The following ABCC9 variants were observed in gnomAD, a reference collection of about 807,000 sequenced individuals.
ABCC9 encodes ATP-binding cassette sub-family C member 9.
In ABCC9, 95 loss-of-function variants were observed where a neutral mutation model predicts 188.3. The observed-to-expected ratio is 0.50, with a 90% confidence interval of 0.43 to 0.60. The LOEUF (loss-of-function observed/expected upper bound fraction) is 0.60. Among genes scored for constraint, ABCC9 ranks in the 20% least tolerant of loss-of-function variants. The pLI, the probability that ABCC9 is intolerant of heterozygous loss-of-function variation, is 0.00. For synonymous variants in ABCC9, 659 were observed against 652.7 expected, an observed-to-expected ratio of 1.01 and a Z score of -0.15; for missense variants, 1,102 against 1,876.3, an observed-to-expected ratio of 0.59 and a Z score of 7.62.
intron 10 of ABCC9, among the ~76,000 whole-genome samples, chr12:21,909,814 G>A (rs1412946145): frequency 6.6e-6 from 1 of 151,856 alleles, no homozygotes; most frequent in Non-Finnish European, 1.5e-5. Context: ...TATGCTAGAT[G>A]TTATAGACAT....
chr12:21,902,879 C>CCATCCTTCTGAAACTATTCCAAT (rs1480985341), intron 12 of ABCC9, among the ~76,000 whole-genome samples: 12 of 152,282 alleles, frequency 7.9e-5, no homozygotes, highest in African/African-American at 2.6e-4. Context: ...GGAGCTGGTA[C>CCATCCTTCTGAAACTATTCCAAT]CATCCTTCTG....
At chr12:21,875,106 A>C (rs1379520495) in intron 17 of ABCC9, among the ~76,000 whole-genome samples, 2 of 152,164 alleles carry the variant, frequency 1.3e-5, no homozygotes, top group Non-Finnish European at 2.9e-5. Flanking sequence ...AACACAAGGA[A>C]ATTTTTGGTA....
chr12:21,853,399 A>T (rs1365874298), intron 22 of ABCC9, among the ~76,000 whole-genome samples: 2 of 152,148 alleles, frequency 1.3e-5, no homozygotes, highest in South Asian at 4.1e-4. Context: ...TTTCAGAATT[A>T]AATGAGTTAA....
chr12:21,882,635 A>G, intron 16 of ABCC9, 131 bp downstream of exon 16: 1 of 765,370 alleles, frequency 1.3e-6, no homozygotes, highest in Non-Finnish European at 2.1e-6. Context: ...TTTTTTTTAA[A>G]TGTTATTAGG....
Position 21,913,013 on chromosome 12 carries a change from G to A in ABCC9, c.870C>T (p.Tyr290=). ...NRTPSIWLAM[Y]RAFGRPILLS... Reference sequence around the variant, plus strand: ...GTAGAATTGGTCGCCCAAAAGCTCTGTACATTGCAAGCCATATAGATGGAG... The same window carrying A: ...GTAGAATTGGTCGCCCAAAAGCTCTATACATTGCAAGCCATATAGATGGAG... Residue 290 remains tyrosine (Y), a synonymous_variant, in exon 8 of 40, where the codon TAC becomes TAT. Transcript: ENST00000261200. The A allele has an allele frequency of 6.2e-7, 1 of 1,611,228 alleles. No individual in the cohort carries two copies. Among genetic ancestry groups the A allele is most frequent in the Non-Finnish European group, 8.5e-7 (1 of 1,179,182 alleles).
intron 4 of ABCC9, 119 bp downstream of exon 4, chr12:21,933,663 G>C: frequency 8.6e-7 from 1 of 1,161,316 alleles, no homozygotes; most frequent in Middle Eastern, 2.1e-4. Flanking sequence ...GAGCTACATG[G>C]ATCAGAGAGC....
At position 21,799,220 on chromosome 12, in the gene ABCC9, A is replaced by C. The variant is rs2137072931; in HGVS notation, c.*1824T>G. The C allele has an allele frequency of 6.6e-6, 1 of 151,194 alleles. No individual in the cohort carries two copies. The highest frequency in any genetic ancestry group is 1.9e-4 in the East Asian group (1 of 5,142). The allele number at this position is 151,194 out of a possible 1,614,324, so 9.4% of individuals were successfully genotyped here. A position where few individuals can be genotyped will look rare whatever the true frequency, so the allele number is the denominator to read the frequency against. On this transcript the variant is annotated 3_prime_UTR_variant, in exon 40 of 40. Transcript: ENST00000261200. ...TATGTAACTAACCTGCACAATGTGC[A>C]CATGTACCCTAAAACTTAAAGTATA...
intron 12 of ABCC9, among the ~76,000 whole-genome samples, chr12:21,903,551 C>T (rs1337319579): frequency 6.6e-6 from 1 of 152,200 alleles, no homozygotes; most frequent in East Asian, 1.9e-4. Flanking sequence ...AGCCCCAAAT[C>T]TCCTTCAGCT....
chr12:21,844,247 T>C (rs1332469376), intron 28 of ABCC9, among the ~76,000 whole-genome samples: 1 of 152,208 alleles, frequency 6.6e-6, no homozygotes, highest in Non-Finnish European at 1.5e-5. Flanking sequence ...CATTCTTTAC[T>C]TCATGATGGT....
chr12:21,889,315 A>G (rs1339249212), intron 14 of ABCC9, among the ~76,000 whole-genome samples: 1 of 151,236 alleles, frequency 6.6e-6, no homozygotes. Flanking sequence ...AGACTTGAAA[A>G]ACAGTGTTAT....
chr12:21,892,556 C>T (rs2137726956), intron 14 of ABCC9, among the ~76,000 whole-genome samples: 1 of 152,236 alleles, frequency 6.6e-6, no homozygotes, highest in African/African-American at 2.4e-5. Context: ...GTGATCCGGA[C>T]AAGTGTTTCA....
At chr12:21,925,278 C>T (rs926789933) in intron 5 of ABCC9, 3 of 487,612 alleles carry the variant, frequency 6.2e-6, no homozygotes, top group Non-Finnish European at 1.1e-5. Context: ...TAATTTTGAC[C>T]CAAGGCAAAA....
chr12:21,801,595 G>T (rs1941436940), intron 39 of ABCC9, among the ~76,000 whole-genome samples: 1 of 152,146 alleles, frequency 6.6e-6, no homozygotes, highest in Non-Finnish European at 1.5e-5. Flanking sequence ...ACAATTCGAA[G>T]AACCCTGGAA....
At position 21,797,813 on chromosome 12, in the gene ABCC9, G is replaced by A. The variant is rs962362114; in HGVS notation, c.*3231C>T. 2.6e-5 allele frequency: 4 copies of A among 152,046 alleles called. No individual in the cohort carries two copies. Among genetic ancestry groups the A allele is most frequent in the Admixed American group, 6.6e-5 (1 of 15,252 alleles). The allele number at this position is 152,046 out of a possible 1,614,324, so 9.4% of individuals were successfully genotyped here. On this transcript the variant is annotated 3_prime_UTR_variant, in exon 40 of 40. Transcript: ENST00000261200. ...CCTGTCAATGACATAAGTAACCCTG[G>A]TATTTTAATATAATGCTTTATGCAT...
intron 12 of ABCC9, among the ~76,000 whole-genome samples, chr12:21,899,484 A>T (rs879607864): frequency 6.6e-6 from 1 of 152,146 alleles, no homozygotes; most frequent in Non-Finnish European, 1.5e-5. Flanking sequence ...GGTGCAGCCC[A>T]CCGAGCATGA....
intron 15 of ABCC9, among the ~76,000 whole-genome samples, chr12:21,884,171 A>G (rs1946766217): frequency 6.6e-6 from 1 of 151,794 alleles, no homozygotes; most frequent in South Asian, 2.1e-4. Context: ...ACCGAGGTTC[A>G]AGTGATCCTC....
intron 30 of ABCC9, among the ~76,000 whole-genome samples, chr12:21,837,012 A>C (rs1944138203): frequency 6.6e-6 from 1 of 152,194 alleles, no homozygotes. Flanking sequence ...CTACAGCAAG[A>C]ATAGTACCTG....
In ABCC9 at chr12:21,906,106, T is replaced by G; in HGVS notation, c.1618+20A>C. ...TGGTTGCCCTTAAAGTCGCCTGTTCTTAGAGCAACAGCAACTTACTGGAGA... is the reference window on the plus strand; with the variant it reads ...TGGTTGCCCTTAAAGTCGCCTGTTCGTAGAGCAACAGCAACTTACTGGAGA... On this transcript the variant is annotated intron_variant, in intron 12 of 39. Transcript: ENST00000261200. The G allele has an allele frequency of 6.2e-7, 1 of 1,612,294 alleles. No individual in the cohort carries two copies.
chr12:21,798,575 A>G lies in ABCC9; in HGVS notation c.*2469T>C, dbSNP rs1383302059. ...ATTCTGGATATTAGCCCTTTGTCAGATGAGTAGGTTGCGAAAATTTTCTCC... is the reference window on the plus strand; with the variant it reads ...ATTCTGGATATTAGCCCTTTGTCAGGTGAGTAGGTTGCGAAAATTTTCTCC... On this transcript the variant is annotated 3_prime_UTR_variant, in exon 40 of 40. Transcript: ENST00000261200. 2 of 150,328 alleles carry G rather than the reference A, an allele frequency of 1.3e-5. No individual in the cohort carries two copies. The highest frequency in any genetic ancestry group is 3.0e-5 in the Non-Finnish European group (2 of 67,468). 9.3% of individuals were successfully genotyped at this position (150,328 alleles called of 1,614,324 possible). A position where few individuals can be genotyped will look rare whatever the true frequency, so the allele number is the denominator to read the frequency against.
Sources: allele counts gnomAD v4.1 joint callset (sites outside exome capture counted in the v4.1 genomes callset), GRCh38; gene constraint gnomAD v4.1.1; transcripts MANE v1.5; gene names NCBI Gene and HGNC (gene_info 2026-07-23, HGNC 2026-07-21).